Variants in FOXN3 observed in about 807,000 individuals in gnomAD.
The protein encoded by FOXN3 is forkhead box N3.
A neutral mutation model predicts 38.4 loss-of-function variants in FOXN3; 7 were observed. The ratio of observed to expected loss-of-function variants is 0.18; its 90% confidence interval spans 0.10 to 0.34. The LOEUF (loss-of-function observed/expected upper bound fraction) is 0.34, where lower values mean the gene tolerates loss of function less well. Ranked by LOEUF, FOXN3 falls within the 10% of genes least tolerant of loss-of-function variation. The pLI is 1.00. For missense variants in FOXN3, 456 were observed against 613.4 expected, an observed-to-expected ratio of 0.74 and a Z score of 2.71; for synonymous variants, 230 against 242.2, an observed-to-expected ratio of 0.95 and a Z score of 0.47.
intron 1 of FOXN3, among the ~76,000 whole-genome samples, chr14:89,595,087 C>T (rs556624767): frequency 6.4e-4 from 97 of 151,144 alleles, no homozygotes; most frequent in African/African-American, 2.2e-3. Context: ...GAGGCCGAGG[C>T]GGGAGGATCA....
At chr14:89,201,955 A>G (rs1028931943) in intron 4 of FOXN3, among the ~76,000 whole-genome samples, 4 of 152,190 alleles carry the variant, frequency 2.6e-5, no homozygotes, top group African/African-American at 9.7e-5. Context: ...GTATTTCCAC[A>G]TGCACGGCAT....
chr14:89,426,690 C>T (rs1892038386), intron 1 of FOXN3, among the ~76,000 whole-genome samples: 1 of 152,172 alleles, frequency 6.6e-6, no homozygotes, highest in African/African-American at 2.4e-5. Flanking sequence ...TCATTTCAGC[C>T]TCACATTAAT....
intron 5 of FOXN3, among the ~76,000 whole-genome samples, chr14:89,173,093 C>T (rs181032055): frequency 6.6e-6 from 1 of 152,132 alleles, no homozygotes; most frequent in Non-Finnish European, 1.5e-5. Context: ...GTAGACTATA[C>T]CAAGAACTCC....
At chr14:89,291,056 T>A in intron 3 of FOXN3, 2 of 485,668 alleles carry the variant, frequency 4.1e-6, no homozygotes, top group Admixed American at 2.2e-5. Context: ...TGTTCACATA[T>A]GACCTCACCC....
rs79538825 is a variant in FOXN3 at position 89,312,483 on chromosome 14, G to A, written c.681-31469C>T. Among the ~76,000 whole-genome samples, 1,350 of 152,142 alleles carry A rather than the reference G, an allele frequency of 8.9e-3. 24 individuals are homozygous for A. Among genetic ancestry groups the A allele is most frequent in the African/African-American group, 0.031 (1,303 of 41,472 alleles). On this transcript the variant is annotated intron_variant, in intron 3 of 5. Transcript: ENST00000557258. ...CTGACAAGACCCAGGGATGACAGGA[G>A]AACAGTCAAATATAATATCACAGGA...
At chr14:89,291,316 C>T (rs770439065) in intron 3 of FOXN3, 10 of 520,426 alleles carry the variant, frequency 1.9e-5, no homozygotes, top group African/African-American at 9.7e-5. Context: ...CGCATTCTCT[C>T]GGGGTTGTTG....
intron 1 of FOXN3, among the ~76,000 whole-genome samples, chr14:89,520,471 TAGAA>T (rs1894296896): frequency 6.6e-6 from 1 of 151,946 alleles, no homozygotes; most frequent in African/African-American, 2.4e-5. Flanking sequence ...AAGTTAGAAA[TAGAA>T]AGATGAAATC....
intron 4 of FOXN3, among the ~76,000 whole-genome samples, chr14:89,244,237 G>A (rs753583835): frequency 1.3e-5 from 2 of 152,098 alleles, no homozygotes; most frequent in African/African-American, 2.4e-5. Flanking sequence ...TATTGGTAAC[G>A]GCCTTCCCTG....
chr14:89,391,490 G>A (rs1890944927), intron 2 of FOXN3, among the ~76,000 whole-genome samples: 1 of 152,214 alleles, frequency 6.6e-6, no homozygotes, highest in Non-Finnish European at 1.5e-5. Flanking sequence ...TCAACCAAAA[G>A]GATCTGCTGC....
intron 2 of FOXN3, among the ~76,000 whole-genome samples, chr14:89,410,075 A>C (rs1254316176): frequency 6.6e-6 from 1 of 152,088 alleles, no homozygotes; most frequent in African/African-American, 2.4e-5. Flanking sequence ...CTTTCCTCCC[A>C]GGCAACACCC....
At chr14:89,450,551 C>G (rs963448854) in intron 1 of FOXN3, among the ~76,000 whole-genome samples, 2 of 122,440 alleles carry the variant, frequency 1.6e-5, no homozygotes, top group African/African-American at 6.4e-5. Context: ...AAAGTTCCTT[C>G]CAGCTCAGAA....
intron 2 of FOXN3, among the ~76,000 whole-genome samples, chr14:89,359,542 T>C (rs973943357): frequency 1.3e-5 from 2 of 152,114 alleles, no homozygotes; most frequent in Non-Finnish European, 2.9e-5. Context: ...TGCACTAAGA[T>C]AGAGGTGGAA....
intron 2 of FOXN3, among the ~76,000 whole-genome samples, chr14:89,373,664 G>C (rs1302325123): frequency 6.6e-6 from 1 of 152,058 alleles, no homozygotes; most frequent in African/African-American, 2.4e-5. Context: ...ATGACCCAGG[G>C]CCTAACACAG....
At chr14:89,350,904 A>G (rs1180558988) in intron 2 of FOXN3, 96 bp from the exon 3 acceptor site, 1 of 954,910 alleles carries the variant, frequency 1.0e-6, no homozygotes, top group Non-Finnish European at 1.5e-6. Context: ...TTTATTTTTA[A>G]AAGCTTCTCA....
chr14:89,565,383 T>C (rs1262235172), intron 1 of FOXN3, among the ~76,000 whole-genome samples: 3 of 152,162 alleles, frequency 2.0e-5, no homozygotes, highest in Non-Finnish European at 2.9e-5. Context: ...ACTTTTGTTA[T>C]GGCAACCCAG....
chr14:89,507,671 T>C (rs1360683931), intron 1 of FOXN3, among the ~76,000 whole-genome samples: 1 of 152,166 alleles, frequency 6.6e-6, no homozygotes, highest in Non-Finnish European at 1.5e-5. Flanking sequence ...ATGCCCAGTT[T>C]ATTTCTTAAC....
chr14:89,529,941 A>AT (rs57214820), intron 1 of FOXN3, among the ~76,000 whole-genome samples: 14,350 of 143,466 alleles, frequency 0.1, 1,082 homozygotes, highest in South Asian at 0.23. Flanking sequence ...AGACTGTGTA[A>AT]TTTTTTTTTT....
At chr14:89,231,212 T>TG (rs1884798550) in intron 4 of FOXN3, among the ~76,000 whole-genome samples, 1 of 150,452 alleles carries the variant, frequency 6.6e-6, no homozygotes, top group African/African-American at 2.5e-5. Flanking sequence ...TTCTTTCTAA[T>TG]GAAAAAAAAA....
At chr14:89,296,427 C>T (rs1285677016) in intron 3 of FOXN3, among the ~76,000 whole-genome samples, 1 of 152,210 alleles carries the variant, frequency 6.6e-6, no homozygotes, top group Non-Finnish European at 1.5e-5. Context: ...AAATGGAGCA[C>T]ACTGGTTCTC....
Sources: allele counts gnomAD v4.1 joint callset (sites outside exome capture counted in the v4.1 genomes callset), GRCh38; gene constraint gnomAD v4.1.1; transcripts MANE v1.5; gene names NCBI Gene and HGNC (gene_info 2026-07-23, HGNC 2026-07-21).